PIP4K2A: variants seen among roughly 807,000 people sequenced by gnomAD.
The protein encoded by PIP4K2A is phosphatidylinositol-5-phosphate 4-kinase type 2 alpha.
In PIP4K2A, 14 loss-of-function variants were observed where a neutral mutation model predicts 42.9. That is an observed-to-expected ratio of 0.33 (90% CI 0.22 to 0.51). The LOEUF (loss-of-function observed/expected upper bound fraction) is 0.51. PIP4K2A is among the 20% of genes least tolerant of loss of function. The pLI is 0.97. For synonymous variants in PIP4K2A, 192 were observed against 192.2 expected, an observed-to-expected ratio of 1.00 and a Z score of 0.01; for missense variants, 434 against 519.8, an observed-to-expected ratio of 0.83 and a Z score of 1.61.
Position 22,591,667 on chromosome 10 carries a change from C to T in PIP4K2A, c.454G>A (p.Val152Met), listed in dbSNP as rs767645615. The change falls in exon 4 of 10, where the codon GTG becomes ATG. Residue 152 changes from valine (V) to methionine (M), a missense_variant. Coordinates refer to ENST00000376573, the MANE Select transcript of PIP4K2A (RefSeq NM_005028.5). ...TTCAGGATGTTGTGCATTTCGGCCA[C>T]GTCTTCACTGGTAATAGTCTTGATG... Reference protein sequence around the residue: ...YIIKTITSEDVAEMHNILKKY... With the variant: ...YIIKTITSEDMAEMHNILKKY... 1.3e-5 allele frequency: 21 copies of T among 1,611,284 alleles called. No homozygotes were observed. The highest frequency in any genetic ancestry group is 2.7e-5 in the African/African-American group (2 of 74,854).
rs182940574 is a variant in PIP4K2A at position 22,673,940 on chromosome 10, A to G, written c.144+40243T>C. 5.7e-3 allele frequency among the ~76,000 whole-genome samples: 875 copies of G among 152,356 alleles called. 5 individuals are homozygous for G. Among genetic ancestry groups the G allele is most frequent in the African/African-American group, 0.02 (826 of 41,582 alleles). On this transcript the variant is annotated intron_variant, in intron 1 of 9. Transcript: ENST00000376573. ...TTTAGCTTTGTTTTACTGAATTCAC[A>G]GAGCCATCCCAGAGGAATATTACAG...
chr10:22,544,223 C>T (rs1174658322), intron 7 of PIP4K2A, among the ~76,000 whole-genome samples: 1 of 151,836 alleles, frequency 6.6e-6, no homozygotes, highest in Non-Finnish European at 1.5e-5. Flanking sequence ...CCTGCTTTCC[C>T]GTCAGAATGA....
chr10:22,626,709 G>T (rs1439370511), intron 1 of PIP4K2A, among the ~76,000 whole-genome samples: 8 of 152,160 alleles, frequency 5.3e-5, no homozygotes, highest in Non-Finnish European at 1.2e-4. Flanking sequence ...GTATAGGGGT[G>T]TGGTTTATAA....
intron 1 of PIP4K2A, among the ~76,000 whole-genome samples, chr10:22,674,853 C>T (rs949247464): frequency 6.6e-6 from 1 of 152,078 alleles, no homozygotes; most frequent in African/African-American, 2.4e-5. Flanking sequence ...GTCGTAGCTA[C>T]TCAGCAGGCT....
chr10:22,650,833 TG>T (rs5783805), intron 1 of PIP4K2A, among the ~76,000 whole-genome samples: 34,435 of 140,326 alleles, frequency 0.25, 6,255 homozygotes, highest in African/African-American at 0.53. Flanking sequence ...GGAAATCTAC[TG>T]GGTTTTTTTT....
chr10:22,550,121 C>T (rs1169925799), intron 7 of PIP4K2A, among the ~76,000 whole-genome samples: 1 of 152,144 alleles, frequency 6.6e-6, no homozygotes, highest in Admixed American at 6.5e-5. Context: ...TGCCCCTGTG[C>T]TAGTCCCACA....
intron 7 of PIP4K2A, among the ~76,000 whole-genome samples, chr10:22,542,498 G>C (rs1836147954): frequency 6.6e-6 from 1 of 152,230 alleles, no homozygotes; most frequent in Non-Finnish European, 1.5e-5. Flanking sequence ...AGCATGCTCT[G>C]TGGAGGCGAT....
intron 1 of PIP4K2A, among the ~76,000 whole-genome samples, chr10:22,640,742 G>A (rs993640521): frequency 2.0e-5 from 3 of 152,160 alleles, no homozygotes; most frequent in African/African-American, 4.8e-5. Flanking sequence ...TTGACACTAC[G>A]TTGCTTAAAC....
intron 1 of PIP4K2A, among the ~76,000 whole-genome samples, chr10:22,676,551 C>T (rs1839564025): frequency 6.6e-6 from 1 of 152,132 alleles, no homozygotes; most frequent in Non-Finnish European, 1.5e-5. Context: ...TCTTCAGCTG[C>T]TACATCATCT....
Position 22,714,273 on chromosome 10 carries a change from G to A in PIP4K2A, c.54C>T (p.Thr18=), listed in dbSNP as rs758444400. 19 of 1,611,786 alleles carry A rather than the reference G, an allele frequency of 1.2e-5. No individual in the cohort carries two copies. Among genetic ancestry groups the A allele is most frequent in the Non-Finnish European group, 1.4e-5 (17 of 1,178,686 alleles). ...GSSVLASKTK[T]KKKHFVAQKV... ...TCTGCGCTACGAAGTGCTTCTTCTT[G>A]GTCTTGGTCTTGCTCGCCAGGACAG... Residue 18 remains threonine, a synonymous_variant, in exon 1 of 10, where the codon ACC becomes ACT. Coordinates refer to ENST00000376573, the MANE Select transcript of PIP4K2A (RefSeq NM_005028.5).
At chr10:22,549,291 G>T (rs116048527) in intron 7 of PIP4K2A, among the ~76,000 whole-genome samples, 2 of 151,654 alleles carry the variant, frequency 1.3e-5, no homozygotes, top group Non-Finnish European at 2.9e-5. Flanking sequence ...TACTGCTTCC[G>T]CCTTCATGGG....
chr10:22,689,312 A>C (rs1422613381), intron 1 of PIP4K2A, among the ~76,000 whole-genome samples: 1 of 152,160 alleles, frequency 6.6e-6, no homozygotes, highest in East Asian at 1.9e-4. Flanking sequence ...ACAACAACAA[A>C]AAAACACTGC....
chr10:22,549,022 T>C (rs1451751189), intron 7 of PIP4K2A, among the ~76,000 whole-genome samples: 3 of 152,154 alleles, frequency 2.0e-5, no homozygotes, highest in Non-Finnish European at 4.4e-5. Flanking sequence ...CACCCCACTC[T>C]AGCCAACACA....
chr10:22,676,608 T>A (rs1839565138), intron 1 of PIP4K2A, among the ~76,000 whole-genome samples: 1 of 152,094 alleles, frequency 6.6e-6, no homozygotes, highest in Non-Finnish European at 1.5e-5. Flanking sequence ...AGAGGGAATA[T>A]CTGGCTCAGT....
At chr10:22,562,341 G>C (rs1170657470) in intron 6 of PIP4K2A, among the ~76,000 whole-genome samples, 1 of 152,214 alleles carries the variant, frequency 6.6e-6, no homozygotes. Context: ...GAGGTCAGGG[G>C]ATCGAGACCA....
chr10:22,701,590 G>C (rs1833716480), intron 1 of PIP4K2A, among the ~76,000 whole-genome samples: 4 of 152,128 alleles, frequency 2.6e-5, no homozygotes, highest in Admixed American at 2.6e-4. Flanking sequence ...GTGCCACCAT[G>C]CTTTGGCTTC....
intron 1 of PIP4K2A, among the ~76,000 whole-genome samples, chr10:22,626,579 T>A (rs1374905536): frequency 6.6e-6 from 1 of 152,222 alleles, no homozygotes; most frequent in African/African-American, 2.4e-5. Context: ...CCCAGTACAG[T>A]AAGTTGTTAC....
chr10:22,701,521 A>T (rs149321331), intron 1 of PIP4K2A, among the ~76,000 whole-genome samples: 1 of 152,280 alleles, frequency 6.6e-6, no homozygotes, highest in East Asian at 1.9e-4. Context: ...TCCTTCTTGC[A>T]GTCCCACCTC....
At chr10:22,682,682 T>C (rs947658406) in intron 1 of PIP4K2A, among the ~76,000 whole-genome samples, 2 of 152,046 alleles carry the variant, frequency 1.3e-5, no homozygotes, top group Non-Finnish European at 2.9e-5. Flanking sequence ...AACCTCAGAG[T>C]ATCTGTTCTT....
Sources: gnomAD v4.1 joint callset for allele counts (sites outside exome capture counted in the v4.1 genomes callset) on GRCh38, gnomAD v4.1.1 for gene constraint, MANE v1.5 for transcripts, NCBI Gene and HGNC (gene_info 2026-07-23, HGNC 2026-07-21) for gene names.